Variants in TRPC4AP observed in about 807,000 individuals in gnomAD.
The protein encoded by TRPC4AP is transient receptor potential cation channel subfamily C member 4 associated protein, also known as short transient receptor potential channel 4-associated protein.
In TRPC4AP, 45 loss-of-function variants were observed where a neutral mutation model predicts 99.0. The ratio of observed to expected loss-of-function variants is 0.45; its 90% CI spans 0.36 to 0.58. The LOEUF (loss-of-function observed/expected upper bound fraction) is 0.58. Among genes scored for constraint, TRPC4AP ranks in the 20% least tolerant of loss-of-function variants. TRPC4AP has a pLI of 0.00. For missense variants in TRPC4AP, 879 were observed against 985.3 expected (o/e 0.89, Z 1.44); for synonymous variants, 408 against 385.8 (o/e 1.06, Z -0.67).
intron 8 of TRPC4AP, among the ~76,000 whole-genome samples, chr20:35,023,349 C>G (rs114859261): frequency 1.3e-3 from 197 of 152,242 alleles, no homozygotes; most frequent in African/African-American, 4.7e-3. Flanking sequence ...ACTGAAGGTG[C>G]CTGGAACATA....
intron 6 of TRPC4AP, among the ~76,000 whole-genome samples, chr20:35,047,591 G>A (rs997051821): frequency 3.3e-5 from 5 of 152,192 alleles, no homozygotes; most frequent in Admixed American, 2.0e-4. Flanking sequence ...TTGATGCACA[G>A]GTGGAGAAGT....
At chr20:35,007,872 G>A (rs1490888486) in intron 13 of TRPC4AP, among the ~76,000 whole-genome samples, 1 of 152,218 alleles carries the variant, frequency 6.6e-6, no homozygotes, top group Non-Finnish European at 1.5e-5. Flanking sequence ...AAGGGGCTGT[G>A]TCACAGAAAG....
chr20:35,059,226 A>G (rs1157804479), intron 3 of TRPC4AP, among the ~76,000 whole-genome samples: 3 of 152,206 alleles, frequency 2.0e-5, no homozygotes, highest in African/African-American at 7.2e-5. Flanking sequence ...TCAGAAATAA[A>G]GGAGAGGGCA....
intron 16 of TRPC4AP, among the ~76,000 whole-genome samples, 197 bp from the exon 17 acceptor site, chr20:35,004,767 G>C (rs1055486245): frequency 1.3e-5 from 2 of 152,204 alleles, no homozygotes; most frequent in African/African-American, 4.8e-5. Context: ...TGTTCTCAGA[G>C]TGCCCAGGAG....
At chr20:35,043,444 G>A (rs990490838) in intron 7 of TRPC4AP, among the ~76,000 whole-genome samples, 1 of 151,742 alleles carries the variant, frequency 6.6e-6, no homozygotes, top group African/African-American at 2.4e-5. Context: ...ATGGGGTTTC[G>A]CCATGTTGGC....
At chr20:35,008,555 G>A (rs2082562372) in intron 13 of TRPC4AP, 109 bp downstream of exon 13, 3 of 894,278 alleles carry the variant, frequency 3.4e-6, no homozygotes, top group East Asian at 2.5e-5. Flanking sequence ...CAGTAATTGT[G>A]CTTCAGGAGG....
intron 1 of TRPC4AP, among the ~76,000 whole-genome samples, chr20:35,090,377 CTTTTTTTT>C (rs71196792): frequency 2.2e-5 from 2 of 88,992 alleles, no homozygotes; most frequent in Non-Finnish European, 4.0e-5. Context: ...ATCTGGTGAG[CTTTTTTTT>C]TTTTTTTTTG....
chr20:35,060,745 G>A (rs1021505321), intron 3 of TRPC4AP, among the ~76,000 whole-genome samples: 3 of 151,684 alleles, frequency 2.0e-5, no homozygotes, highest in African/African-American at 7.3e-5. Flanking sequence ...AAAGCCACAC[G>A]GTCATCTCAA....
At chr20:35,027,505 G>C (rs550539303) in intron 8 of TRPC4AP, among the ~76,000 whole-genome samples, 1 of 152,206 alleles carries the variant, frequency 6.6e-6, no homozygotes, top group Non-Finnish European at 1.5e-5. Context: ...TCTTTATCTG[G>C]TTTTGGTATC....
chr20:35,088,260 A>C lies in TRPC4AP; in HGVS notation c.168+4354T>G, dbSNP rs1425031889. On this transcript the variant is annotated intron_variant, in intron 1 of 18. Transcript: ENST00000252015. ...TCCTATGATACTTACTTTACAAATA[A>C]ATAAACTGAGGCATAAACAGATTAA... Among the ~76,000 whole-genome samples the C allele has an allele frequency of 7.2e-5, 11 of 152,212 alleles. No homozygotes were observed. The East Asian group carries it at 2.1e-3, about 29-fold the overall frequency.
intron 2 of TRPC4AP, among the ~76,000 whole-genome samples, chr20:35,075,357 G>A (rs2084445674): frequency 6.6e-6 from 1 of 152,188 alleles, no homozygotes; most frequent in Non-Finnish European, 1.5e-5. Context: ...TAGCATCGAA[G>A]GTCTTTACAA....
intron 8 of TRPC4AP, among the ~76,000 whole-genome samples, chr20:35,033,873 C>T (rs1392285105): frequency 1.6e-4 from 2 of 12,130 alleles, no homozygotes; most frequent in East Asian, 3.5e-3. Flanking sequence ...AGGCCGGGCG[C>T]GGTGGCTCAC....
At chr20:35,081,629 A>C (rs1363474587) in intron 1 of TRPC4AP, among the ~76,000 whole-genome samples, 1 of 152,216 alleles carries the variant, frequency 6.6e-6, no homozygotes, top group Non-Finnish European at 1.5e-5. Flanking sequence ...ATGGGAAATA[A>C]TACTCAATGT....
At chr20:35,015,439 G>A (rs2082730981) in intron 10 of TRPC4AP, among the ~76,000 whole-genome samples, 1 of 150,914 alleles carries the variant, frequency 6.6e-6, no homozygotes, top group Non-Finnish European at 1.5e-5. Context: ...GGGGAAGTTG[G>A]CTAGAGGGCC....
chr20:35,028,766 G>A (rs970400646), intron 8 of TRPC4AP, among the ~76,000 whole-genome samples: 5 of 152,154 alleles, frequency 3.3e-5, no homozygotes, highest in Non-Finnish European at 7.3e-5. Context: ...AAAGTAGTAT[G>A]TTAAGGTCTC....
At chr20:35,059,225 A>C (rs1400923795) in intron 3 of TRPC4AP, among the ~76,000 whole-genome samples, 2 of 152,206 alleles carry the variant, frequency 1.3e-5, no homozygotes, top group African/African-American at 4.8e-5. Context: ...CTCAGAAATA[A>C]AGGAGAGGGC....
intron 7 of TRPC4AP, among the ~76,000 whole-genome samples, chr20:35,043,918 T>C (rs1030232833): frequency 1.3e-5 from 2 of 152,172 alleles, no homozygotes; most frequent in Admixed American, 6.5e-5. Context: ...AGGAGAGACT[T>C]AGTAGATCAA....
rs1351257519 is a variant in TRPC4AP at position 35,076,468 on chromosome 20, G to C, written c.297+1578C>G. Reference sequence around the variant, plus strand: ...GTGTGGATGTCCTTTCTGTTTGTTAGTTTTCCTTCTAACAGTCAGGACCCT... The same window carrying C: ...GTGTGGATGTCCTTTCTGTTTGTTACTTTTCCTTCTAACAGTCAGGACCCT... On this transcript the variant is annotated intron_variant, in intron 2 of 18. Coordinates refer to ENST00000252015, the MANE Select transcript of TRPC4AP (RefSeq NM_015638.3). Among the ~76,000 whole-genome samples, 3 of 152,174 alleles carry C rather than the reference G, an allele frequency of 2.0e-5. No individual in the cohort carries two copies. In the East Asian group the frequency reaches 5.8e-4, roughly 29 times the overall value.
chr20:35,087,697 A>G (rs1181707448), intron 1 of TRPC4AP, among the ~76,000 whole-genome samples: 8 of 152,222 alleles, frequency 5.3e-5, no homozygotes, highest in Admixed American at 5.2e-4. Flanking sequence ...GATTTATAAG[A>G]TCTGATTTGC....
Sources: allele counts gnomAD v4.1 joint callset (sites outside exome capture counted in the v4.1 genomes callset), GRCh38; gene constraint gnomAD v4.1.1; transcripts MANE v1.5; gene names NCBI Gene and HGNC (gene_info 2026-07-23, HGNC 2026-07-21).